Variants in SLC8A3 observed in about 807,000 individuals in gnomAD.
SLC8A3 encodes the protein sodium/calcium exchanger 3.
Under a neutral mutation model 65.4 loss-of-function variants are expected in SLC8A3, and 37 were observed. The observed-to-expected ratio is 0.57, with a 90% CI of 0.44 to 0.74. The LOEUF (loss-of-function observed/expected upper bound fraction) is 0.74, where lower values mean the gene tolerates loss of function less well. Ranked by LOEUF, SLC8A3 falls within the 30% of genes least tolerant of loss-of-function variation. SLC8A3 has a pLI of 0.00. For synonymous variants in SLC8A3, 461 were observed against 444.5 expected (o/e 1.04, Z -0.47); for missense variants, 1,112 against 1,172.1 (o/e 0.95, Z 0.75).
At chr14:70,184,912 G>A (rs990005696) in intron 1 of SLC8A3, among the ~76,000 whole-genome samples, 16 of 151,780 alleles carry the variant, frequency 1.1e-4, no homozygotes, top group Admixed American at 1.0e-3. Flanking sequence ...GAACCTCTTA[G>A]GCAAAGCAAC....
intron 1 of SLC8A3, among the ~76,000 whole-genome samples, chr14:70,183,908 T>C (rs1882963193): frequency 6.6e-6 from 1 of 152,220 alleles, no homozygotes; most frequent in Non-Finnish European, 1.5e-5. Flanking sequence ...TTATCAGTGC[T>C]GCACATAGCT....
chr14:70,062,751 T>C (rs1359564385), intron 2 of SLC8A3, among the ~76,000 whole-genome samples: 1 of 152,214 alleles, frequency 6.6e-6, no homozygotes, highest in Non-Finnish European at 1.5e-5. Flanking sequence ...AGCTCATTGA[T>C]TGTCAAGAGG....
At chr14:70,158,111 C>T (rs1011690715) in intron 2 of SLC8A3, among the ~76,000 whole-genome samples, 2 of 152,150 alleles carry the variant, frequency 1.3e-5, no homozygotes, top group African/African-American at 4.8e-5. Context: ...CCAGCATTAG[C>T]CTCTGCAGCA....
intron 2 of SLC8A3, among the ~76,000 whole-genome samples, chr14:70,160,038 A>G (rs1896794749): frequency 6.6e-6 from 1 of 152,236 alleles, no homozygotes; most frequent in Non-Finnish European, 1.5e-5. Context: ...ATAAAACATA[A>G]AAAAGGATAA....
At position 70,045,444 on chromosome 14, in the gene SLC8A3, G is replaced by T. The variant is rs1886649566; in HGVS notation, c.*503C>A. ...ACAAAATAATAAGCAAAACCTAATG[G>T]CAAAACGAAAGCAACCACAATAATG... On this transcript the variant is annotated 3_prime_UTR_variant, in exon 7 of 7. Coordinates refer to ENST00000356921, the MANE Select transcript of SLC8A3 (RefSeq NM_182932.3). The T allele has an allele frequency of 6.6e-6, 1 of 152,326 alleles. No individual in the cohort carries two copies. The highest frequency in any genetic ancestry group is 1.5e-5 in the Non-Finnish European group (1 of 68,226). 9.4% of individuals were successfully genotyped at this position (152,326 alleles called of 1,614,324 possible). A position where few individuals can be genotyped will look rare whatever the true frequency, so the allele number is the denominator to read the frequency against.
chr14:70,054,882 T>A (rs1214511367), intron 3 of SLC8A3, among the ~76,000 whole-genome samples: 1 of 152,192 alleles, frequency 6.6e-6, no homozygotes, highest in Non-Finnish European at 1.5e-5. Context: ...TTTTGCCTCT[T>A]AAGTGGCCTT....
intron 2 of SLC8A3, among the ~76,000 whole-genome samples, chr14:70,104,484 G>C (rs543715887): frequency 9.9e-5 from 15 of 152,038 alleles, no homozygotes; most frequent in Admixed American, 7.9e-4. Context: ...GTATATTCTT[G>C]ATGAATCAAT....
At chr14:70,049,377 A>C (rs1482804632) in intron 5 of SLC8A3, among the ~76,000 whole-genome samples, 1 of 152,186 alleles carries the variant, frequency 6.6e-6, no homozygotes, top group Non-Finnish European at 1.5e-5. Context: ...GCAAACTAAC[A>C]CAAGAACAGA....
chr14:70,071,255 C>A (rs1389229279), intron 2 of SLC8A3, among the ~76,000 whole-genome samples: 1 of 152,178 alleles, frequency 6.6e-6, no homozygotes, highest in Non-Finnish European at 1.5e-5. Flanking sequence ...TGCCCCAATC[C>A]TTGGAACCTG....
intron 2 of SLC8A3, among the ~76,000 whole-genome samples, chr14:70,068,842 T>G: frequency 6.6e-6 from 1 of 152,122 alleles, no homozygotes; most frequent in East Asian, 1.9e-4. Context: ...TCTTCCCACC[T>G]CAGCCTACCG....
chr14:70,095,318 C>G (rs1892094236), intron 2 of SLC8A3, among the ~76,000 whole-genome samples: 1 of 152,184 alleles, frequency 6.6e-6, no homozygotes, highest in South Asian at 2.1e-4. Flanking sequence ...TGAGTGGGCT[C>G]TGGGACAAAG....
At chr14:70,152,440 G>A (rs957405615) in intron 2 of SLC8A3, among the ~76,000 whole-genome samples, 1 of 152,044 alleles carries the variant, frequency 6.6e-6, no homozygotes, top group Non-Finnish European at 1.5e-5. Flanking sequence ...GTGCCACTCT[G>A]TCAATCAATC....
At chr14:70,050,470 G>A (rs1887359035) in intron 5 of SLC8A3, among the ~76,000 whole-genome samples, 1 of 152,150 alleles carries the variant, frequency 6.6e-6, no homozygotes, top group Non-Finnish European at 1.5e-5. Context: ...CAGGCTTCTA[G>A]GACTCCCGGC....
At chr14:70,147,179 G>A (rs1193135874) in intron 2 of SLC8A3, among the ~76,000 whole-genome samples, 3 of 152,280 alleles carry the variant, frequency 2.0e-5, no homozygotes, top group Non-Finnish European at 4.4e-5. Flanking sequence ...GAGACTGCAG[G>A]ATAGGTGAAA....
intron 2 of SLC8A3, among the ~76,000 whole-genome samples, chr14:70,162,450 G>C (rs1249324611): frequency 6.6e-6 from 1 of 152,214 alleles, no homozygotes; most frequent in African/African-American, 2.4e-5. Context: ...TTTGGTTGGA[G>C]AACGTGCAGC....
chr14:70,135,819 A>G (rs1895160545), intron 2 of SLC8A3, among the ~76,000 whole-genome samples: 1 of 152,198 alleles, frequency 6.6e-6, no homozygotes, highest in Admixed American at 6.5e-5. Context: ...CAGAAGGAAT[A>G]AGTTCTAGTA....
intron 2 of SLC8A3, among the ~76,000 whole-genome samples, chr14:70,085,599 G>A (rs1209981655): frequency 6.6e-6 from 1 of 152,100 alleles, no homozygotes; most frequent in Non-Finnish European, 1.5e-5. Context: ...ATCATAATAC[G>A]ATGCCAACAC....
intron 2 of SLC8A3, among the ~76,000 whole-genome samples, chr14:70,105,043 A>G (rs549654383): frequency 1.3e-5 from 2 of 152,276 alleles, no homozygotes; most frequent in Non-Finnish European, 2.9e-5. Context: ...AACTTGGTAA[A>G]CCTCGGCCAG....
chr14:70,149,239 G>C (rs1429978695), intron 2 of SLC8A3, among the ~76,000 whole-genome samples: 1 of 152,184 alleles, frequency 6.6e-6, no homozygotes, highest in East Asian at 1.9e-4. Flanking sequence ...CAAATATAGG[G>C]ATGAAAAAGA....
Sources: allele counts gnomAD v4.1 joint callset (sites outside exome capture counted in the v4.1 genomes callset), GRCh38; gene constraint gnomAD v4.1.1; transcripts MANE v1.5; gene names NCBI Gene and HGNC (gene_info 2026-07-23, HGNC 2026-07-21).